The following ATP6V1H variants were observed in gnomAD, a reference collection of about 807,000 sequenced individuals.
The protein encoded by ATP6V1H is ATPase H+ transporting V1 subunit H.
ATP6V1H carries 39 observed loss-of-function variants against 71.7 expected under a neutral mutation model. The ratio of observed to expected loss-of-function variants is 0.54; its 90% CI spans 0.42 to 0.71. The LOEUF (loss-of-function observed/expected upper bound fraction) is 0.71. Ranked by LOEUF, ATP6V1H falls within the 30% of genes least tolerant of loss-of-function variation. The pLI, the probability that ATP6V1H is intolerant of heterozygous loss-of-function variation, is 0.00. For missense variants in ATP6V1H, 509 were observed against 594.9 expected (o/e 0.86, Z 1.50); for synonymous variants, 192 against 199.3 (o/e 0.96, Z 0.31).
At chr8:53,776,341 C>T (rs1264715772) in intron 9 of ATP6V1H, among the ~76,000 whole-genome samples, 1 of 152,202 alleles carries the variant, frequency 6.6e-6, no homozygotes, top group Admixed American at 6.5e-5. Flanking sequence ...GAGAAAGGGG[C>T]TCCCACAGTG....
At chr8:53,821,387 AAG>A (rs979227205) in intron 4 of ATP6V1H, among the ~76,000 whole-genome samples, 4 of 150,654 alleles carry the variant, frequency 2.7e-5, no homozygotes, top group East Asian at 3.9e-4. Flanking sequence ...AAAAAAAAAA[AAG>A]AGAGAGAGAG....
chr8:53,766,168 C>T (rs531519590), intron 11 of ATP6V1H, among the ~76,000 whole-genome samples: 2 of 152,288 alleles, frequency 1.3e-5, no homozygotes, highest in South Asian at 2.1e-4. Flanking sequence ...CCGGCTGAAG[C>T]CATGGCAGAA....
intron 9 of ATP6V1H, among the ~76,000 whole-genome samples, chr8:53,786,051 A>G (rs999140223): frequency 1.3e-5 from 2 of 151,842 alleles, no homozygotes; most frequent in Non-Finnish European, 2.9e-5. Flanking sequence ...GAGAACCACT[A>G]CTCTCTTCAA....
At chr8:53,746,218 C>A (rs1473636815) in intron 12 of ATP6V1H, among the ~76,000 whole-genome samples, 2 of 151,608 alleles carry the variant, frequency 1.3e-5, no homozygotes, top group Non-Finnish European at 2.9e-5. Flanking sequence ...TATCACCAGC[C>A]AATAAAATTT....
chr8:53,819,462 G>T (rs1392393129), intron 4 of ATP6V1H, among the ~76,000 whole-genome samples: 2 of 146,324 alleles, frequency 1.4e-5, no homozygotes, highest in Non-Finnish European at 3.0e-5. Flanking sequence ...AACCTGGTGG[G>T]TGGAGGTTAT....
intron 12 of ATP6V1H, among the ~76,000 whole-genome samples, chr8:53,754,366 T>C (rs1336396619): frequency 6.6e-6 from 1 of 152,240 alleles, no homozygotes; most frequent in Non-Finnish European, 1.5e-5. Flanking sequence ...TGGCACAGGC[T>C]GGAACCAAGT....
intron 4 of ATP6V1H, among the ~76,000 whole-genome samples, chr8:53,818,297 C>T (rs1196608788): frequency 2.0e-5 from 3 of 152,060 alleles, no homozygotes; most frequent in African/African-American, 7.2e-5. Flanking sequence ...ATAGGTTACT[C>T]GAGAACAGGT....
At chr8:53,832,800 T>G (rs1811048902) in intron 3 of ATP6V1H, 184 bp downstream of exon 3, 3 of 409,230 alleles carry the variant, frequency 7.3e-6, no homozygotes, top group South Asian at 7.8e-5. Context: ...TCCAGAAATT[T>G]GTCTTCCAGG....
At chr8:53,722,075 A>G (rs1262632901) in intron 13 of ATP6V1H, among the ~76,000 whole-genome samples, 1 of 152,226 alleles carries the variant, frequency 6.6e-6, no homozygotes, top group Non-Finnish European at 1.5e-5. Flanking sequence ...TTTTTCCTAC[A>G]GGAATTCCAC....
chr8:53,807,401 A>G (rs1810116214), intron 7 of ATP6V1H, among the ~76,000 whole-genome samples: 1 of 152,058 alleles, frequency 6.6e-6, no homozygotes, highest in African/African-American at 2.4e-5. Flanking sequence ...GGCGTTCGAG[A>G]CCAGCCTGGC....
At chr8:53,753,651 G>C (rs950700196) in intron 12 of ATP6V1H, among the ~76,000 whole-genome samples, 1 of 152,050 alleles carries the variant, frequency 6.6e-6, no homozygotes, top group African/African-American at 2.4e-5. Context: ...AAATCTAAGA[G>C]GGCTCTATAT....
chr8:53,827,986 C>T lies in ATP6V1H; in HGVS notation c.306+1458G>A, dbSNP rs143210178. 2.3e-3 allele frequency among the ~76,000 whole-genome samples: 347 copies of T among 152,212 alleles called. 2 individuals carry two copies. The highest frequency in any genetic ancestry group is 7.9e-3 in the African/African-American group (329 of 41,548). ...TATAGTATTCCATGGAGTATATGTA[C>T]GTTTTCTTTATCCAATCTGCCATTG... is the stretch of plus-strand genomic sequence containing the variant. On this transcript the variant is annotated intron_variant, in intron 4 of 13. Transcript: ENST00000359530.
At chr8:53,781,375 T>C (rs867929951) in intron 9 of ATP6V1H, among the ~76,000 whole-genome samples, 12 of 152,334 alleles carry the variant, frequency 7.9e-5, no homozygotes, top group Middle Eastern at 3.4e-3. Flanking sequence ...TTTGCCCACT[T>C]TTTGATGGGG....
chr8:53,773,459 T>A (rs750675417), intron 9 of ATP6V1H, among the ~76,000 whole-genome samples: 1 of 152,124 alleles, frequency 6.6e-6, no homozygotes, highest in Non-Finnish European at 1.5e-5. Flanking sequence ...GCAGACAGAA[T>A]CTGGTATGAA....
intron 9 of ATP6V1H, among the ~76,000 whole-genome samples, chr8:53,782,050 T>C (rs1206134785): frequency 6.6e-6 from 1 of 152,246 alleles, no homozygotes; most frequent in East Asian, 1.9e-4. Flanking sequence ...ATATGAACGT[T>C]AAAGTAGTTT....
intron 13 of ATP6V1H, 107 bp downstream of exon 13, chr8:53,743,470 A>G: frequency 1.3e-6 from 1 of 789,652 alleles, no homozygotes; most frequent in African/African-American, 1.7e-5. Flanking sequence ...AATCAAAATA[A>G]CTAATTTTAA....
intron 11 of ATP6V1H, among the ~76,000 whole-genome samples, chr8:53,768,646 C>A (rs986419555): frequency 1.3e-5 from 2 of 152,032 alleles, no homozygotes; most frequent in Non-Finnish European, 2.9e-5. Flanking sequence ...CATGGATGAG[C>A]CCTGAACACA....
chr8:53,724,893 A>C (rs1806755958), intron 13 of ATP6V1H, among the ~76,000 whole-genome samples: 1 of 152,040 alleles, frequency 6.6e-6, no homozygotes, highest in South Asian at 2.1e-4. Flanking sequence ...TACTAGATAT[A>C]CTTGCATTAA....
At chr8:53,782,748 T>G (rs963262024) in intron 9 of ATP6V1H, among the ~76,000 whole-genome samples, 40 of 152,320 alleles carry the variant, frequency 2.6e-4, no homozygotes, top group African/African-American at 8.9e-4. Flanking sequence ...GTTTTTAGCA[T>G]GAAGGGTTGT....
Sources: gnomAD v4.1 joint callset for allele counts (sites outside exome capture counted in the v4.1 genomes callset) on GRCh38, gnomAD v4.1.1 for gene constraint, MANE v1.5 for transcripts, NCBI Gene and HGNC (gene_info 2026-07-23, HGNC 2026-07-21) for gene names.